MACROD2: variants seen among roughly 807,000 people sequenced by gnomAD.
MACROD2 encodes mono-ADP ribosylhydrolase 2, also known as ADP-ribose glycohydrolase MACROD2.
MACROD2 carries 36 observed loss-of-function variants against 70.4 expected under a neutral mutation model. The ratio of observed to expected loss-of-function variants is 0.51; its 90% CI spans 0.39 to 0.68. The LOEUF (loss-of-function observed/expected upper bound fraction) is 0.68, where lower values mean the gene tolerates loss of function less well. MACROD2 is among the 30% of genes least tolerant of loss of function. MACROD2 has a pLI of 0.00. For synonymous variants in MACROD2, 172 were observed against 178.8 expected, an observed-to-expected ratio of 0.96 and a Z score of 0.30; for missense variants, 496 against 538.4, an observed-to-expected ratio of 0.92 and a Z score of 0.78.
At chr20:15,043,329 C>T (rs2075369224) in intron 5 of MACROD2, among the ~76,000 whole-genome samples, 1 of 152,228 alleles carries the variant, frequency 6.6e-6, no homozygotes, top group African/African-American at 2.4e-5. Context: ...TAGGAGCAGC[C>T]AGCTGGCTGG....
At chr20:15,479,270 T>C (rs1221686996) in intron 7 of MACROD2, among the ~76,000 whole-genome samples, 6 of 100,572 alleles carry the variant, frequency 6.0e-5, no homozygotes, top group African/African-American at 2.2e-4. Context: ...GCTCTCTTTT[T>C]TTTTTTTTTT....
chr20:15,434,288 A>G (rs1257466212), intron 7 of MACROD2, among the ~76,000 whole-genome samples: 1 of 151,946 alleles, frequency 6.6e-6, no homozygotes, highest in Non-Finnish European at 1.5e-5. Flanking sequence ...TCTGACCAAG[A>G]ACTAATACCC....
In MACROD2 at chr20:15,094,764, T is replaced by TA. The variant is rs1158012924; in HGVS notation, c.419-135170dup. On this transcript the variant is annotated intron_variant, in intron 5 of 17. Coordinates refer to ENST00000684519, the MANE Select transcript of MACROD2 (RefSeq NM_001351661.2). ...TTTGTTTCTTAAAACTAAAACAAAA[T>TA]AAAAAACACAGGAACATTATTGAGA... Among the ~76,000 whole-genome samples, 3 of 152,104 alleles carry TA rather than the reference T, an allele frequency of 2.0e-5. No homozygotes were observed. The South Asian group carries it at 6.2e-4, about 32-fold the overall frequency.
intron 2 of MACROD2, among the ~76,000 whole-genome samples, chr20:14,075,148 A>G (rs1362794813): frequency 6.6e-6 from 1 of 152,200 alleles, no homozygotes; most frequent in Non-Finnish European, 1.5e-5. Context: ...TTTAAGTAAA[A>G]AGGTGAAAGT....
chr20:14,849,606 C>T (rs1279712939), intron 5 of MACROD2, among the ~76,000 whole-genome samples: 14 of 151,988 alleles, frequency 9.2e-5, no homozygotes, highest in Admixed American at 9.2e-4. Flanking sequence ...ACGGTGAAAC[C>T]CCGTCTCTAC....
intron 8 of MACROD2, among the ~76,000 whole-genome samples, chr20:15,666,676 G>T (rs533334664): frequency 6.6e-6 from 1 of 152,096 alleles, no homozygotes. Context: ...TTTTCCATGT[G>T]CAAGGCACTG....
intron 5 of MACROD2, among the ~76,000 whole-genome samples, chr20:15,067,526 C>G (rs908094848): frequency 1.3e-5 from 2 of 151,668 alleles, no homozygotes; most frequent in African/African-American, 4.8e-5. Context: ...ATTTTTGTAT[C>G]TTTAGTAGAG....
intron 4 of MACROD2, among the ~76,000 whole-genome samples, chr20:14,618,448 T>G (rs1248381249): frequency 6.6e-6 from 1 of 152,150 alleles, no homozygotes; most frequent in African/African-American, 2.4e-5. Flanking sequence ...CAATGTCTCT[T>G]AGGATTGCTG....
intron 5 of MACROD2, among the ~76,000 whole-genome samples, chr20:15,039,358 A>C (rs919958971): frequency 6.6e-6 from 1 of 152,108 alleles, no homozygotes; most frequent in African/African-American, 2.4e-5. Context: ...ATCTTAGGGG[A>C]GGTAGGTCAG....
At chr20:15,176,171 G>A (rs1050221793) in intron 5 of MACROD2, among the ~76,000 whole-genome samples, 1 of 152,244 alleles carries the variant, frequency 6.6e-6, no homozygotes, top group Non-Finnish European at 1.5e-5. Context: ...GCATGGGAGG[G>A]AAGCAAAGGA....
intron 3 of MACROD2, among the ~76,000 whole-genome samples, chr20:14,206,906 A>T (rs1221044760): frequency 1.3e-5 from 2 of 152,164 alleles, no homozygotes; most frequent in South Asian, 2.1e-4. Context: ...ACAAGAAGAG[A>T]TTTTTAAAAT....
chr20:14,550,529 A>T (rs1035663650), intron 4 of MACROD2, among the ~76,000 whole-genome samples: 1 of 152,180 alleles, frequency 6.6e-6, no homozygotes, highest in African/African-American at 2.4e-5. Context: ...ACCAGAAAGC[A>T]GTCTCTCACC....
intron 3 of MACROD2, among the ~76,000 whole-genome samples, chr20:14,364,672 C>T (rs1332242299): frequency 6.6e-6 from 1 of 152,160 alleles, no homozygotes; most frequent in Admixed American, 6.5e-5. Flanking sequence ...AAGAATTTGC[C>T]AGTCAGGATA....
intron 5 of MACROD2, among the ~76,000 whole-genome samples, chr20:14,778,547 A>T (rs73264643): frequency 6.6e-6 from 1 of 152,000 alleles, no homozygotes; most frequent in African/African-American, 2.4e-5. Flanking sequence ...ATGAATTCAG[A>T]AGGCTCTCAG....
At chr20:14,209,510 A>C (rs531503243) in intron 3 of MACROD2, among the ~76,000 whole-genome samples, 16 of 152,330 alleles carry the variant, frequency 1.1e-4, no homozygotes, top group African/African-American at 3.8e-4. Context: ...ATGTGATATT[A>C]ATTAGGGTAA....
intron 8 of MACROD2, among the ~76,000 whole-genome samples, chr20:15,758,738 T>C (rs950636916): frequency 1.3e-5 from 2 of 151,826 alleles, no homozygotes; most frequent in Non-Finnish European, 2.9e-5. Flanking sequence ...GGATGGTGTC[T>C]CACCATCTTG....
chr20:16,011,483 G>A (rs527823484), intron 15 of MACROD2, among the ~76,000 whole-genome samples: 4 of 152,328 alleles, frequency 2.6e-5, no homozygotes, highest in Admixed American at 2.0e-4. Flanking sequence ...CAGAGTGTCA[G>A]TCCAAGTCCT....
intron 8 of MACROD2, among the ~76,000 whole-genome samples, chr20:15,525,785 A>G (rs1334915280): frequency 6.6e-6 from 1 of 152,164 alleles, no homozygotes; most frequent in African/African-American, 2.4e-5. Flanking sequence ...TGTTATGACT[A>G]TTCAACCTCT....
chr20:15,002,398 G>T (rs1386809874), intron 5 of MACROD2, among the ~76,000 whole-genome samples: 1 of 151,738 alleles, frequency 6.6e-6, no homozygotes, highest in Non-Finnish European at 1.5e-5. Context: ...ATCTTTTTTG[G>T]CCATTTGTAT....
Sources: gnomAD v4.1 joint callset for allele counts (sites outside exome capture counted in the v4.1 genomes callset) on GRCh38, gnomAD v4.1.1 for gene constraint, MANE v1.5 for transcripts, NCBI Gene and HGNC (gene_info 2026-07-23, HGNC 2026-07-21) for gene names.